The following COG1 variants were observed in gnomAD, a reference collection of about 807,000 sequenced individuals.
The protein encoded by COG1 is conserved oligomeric Golgi complex subunit 1.
A neutral mutation model predicts 102.2 loss-of-function variants in COG1; 61 were observed. That is an observed-to-expected ratio of 0.60 (90% CI 0.49 to 0.74). The LOEUF is 0.74. COG1 is among the 30% of genes least tolerant of loss of function. The pLI is 0.00. For synonymous variants in COG1, 454 were observed against 493.6 expected (o/e 0.92, Z 1.06); for missense variants, 1,164 against 1,232.1 (o/e 0.94, Z 0.83).
intron 8 of COG1, 58 bp from the exon 9 acceptor site, chr17:73,203,574 C>T: frequency 6.3e-7 from 1 of 1,599,574 alleles, no homozygotes; most frequent in Non-Finnish European, 8.6e-7. Context: ...GATTCACTTT[C>T]ACTGTGTGTC....
At chr17:73,202,499 GT>G (rs2061351314) in intron 7 of COG1, among the ~76,000 whole-genome samples, 1 of 151,018 alleles carries the variant, frequency 6.6e-6, no homozygotes, top group Non-Finnish European at 1.5e-5. Context: ...TTAAGAGGTG[GT>G]ATTTGGGCCA....
intron 1 of COG1, among the ~76,000 whole-genome samples, chr17:73,195,137 T>C (rs1246569552): frequency 6.6e-6 from 1 of 152,238 alleles, no homozygotes; most frequent in African/African-American, 2.4e-5. Flanking sequence ...TTATGCCTGA[T>C]TTTAGAAACG....
chr17:73,206,655 T>C, intron 11 of COG1, 53 bp from the exon 12 acceptor site: 1 of 1,103,932 alleles, frequency 9.1e-7, no homozygotes, highest in Middle Eastern at 2.1e-4. Context: ...TTTTTTTTTT[T>C]GCCTTTCTTT....
chr17:73,205,868 A>C, intron 10 of COG1, 188 bp downstream of exon 10: 1 of 775,796 alleles, frequency 1.3e-6, no homozygotes, highest in South Asian at 1.5e-5. Flanking sequence ...TGGTCAAGTG[A>C]AATAGGTGGA....
chr17:73,205,497 C>G (rs369501748), intron 9 of COG1, 56 bp from the exon 10 acceptor site: 13 of 1,598,352 alleles, frequency 8.1e-6, no homozygotes, highest in Non-Finnish European at 1.1e-5. Flanking sequence ...CTGTTTATTA[C>G]GCTCACATAC....
chr17:73,193,238 C>T lies in COG1; in HGVS notation c.169C>T (p.Arg57Cys), dbSNP rs781738369. Residue 57 changes from arginine (R) to cysteine (C), a missense_variant, in exon 1 of 14, where the codon CGC becomes TGC. Physicochemically the swap from Arg to Cys is radical, Grantham distance 180 (BLOSUM62 -3). Transcript: ENST00000299886. ...ELRQMVGERY[R>C]DLIEAADTIG... Reference sequence around the variant, plus strand: ...GCGGCAGATGGTGGGCGAACGGTACCGCGACCTGATCGAGGCGGCCGACAC... The same window carrying T: ...GCGGCAGATGGTGGGCGAACGGTACTGCGACCTGATCGAGGCGGCCGACAC... 5 of 1,608,758 alleles carry T rather than the reference C, an allele frequency of 3.1e-6. No individual in the cohort carries two copies. Among genetic ancestry groups the T allele is most frequent in the Admixed American group, 3.4e-5 (2 of 59,462 alleles).
At chr17:73,206,598 A>G in intron 11 of COG1, 110 bp from the exon 12 acceptor site, 1 of 791,218 alleles carries the variant, frequency 1.3e-6, no homozygotes, top group Non-Finnish European at 2.2e-6. Flanking sequence ...AACATTCCCC[A>G]AAATGACAGT....
Position 73,203,144 on chromosome 17 carries a change from C to T in COG1, c.2218C>T (p.Gln740Ter), listed in dbSNP as rs1281504354. The change falls in exon 8 of 14, where the codon CAG (glutamine) becomes TAG (stop). Residue 740 changes from glutamine to a stop codon, truncating the protein, a stop_gained and splice_region_variant. Transcript: ENST00000299886. LOFTEE classifies it high-confidence loss of function. ...SVTSKIRLPA[Q>*]PSWYVQSFLF... ...CACATCCAAGATCCGACTCCCTGCA[C>T]AGGTGAGCAGGGACCATGGGCTGAA... 1.2e-6 allele frequency: 2 copies of T among 1,614,104 alleles called. No homozygotes were observed. Among genetic ancestry groups the T allele is most frequent in the Admixed American group, 1.7e-5 (1 of 60,010 alleles).
chr17:73,206,800 G>A lies in COG1; in HGVS notation c.2712G>A (p.Leu904=). 1 of 1,613,592 alleles carries A rather than the reference G, an allele frequency of 6.2e-7. No individual in the cohort carries two copies. Among genetic ancestry groups the A allele is most frequent in the Non-Finnish European group, 8.5e-7 (1 of 1,179,756 alleles). The change falls in exon 12 of 14, where the codon CTG becomes CTA. Residue 904 remains leucine (L), a synonymous_variant. Transcript: ENST00000299886. The part of the protein sequence containing the change: ...NSQEPHNILP[L]ASSQIRFGLL... Reference sequence around the variant, plus strand: ...AAGAACCCCATAACATCCTGCCACTGGCATCCAGTCAGATCAGGTAAAGGC... The same window carrying A: ...AAGAACCCCATAACATCCTGCCACTAGCATCCAGTCAGATCAGGTAAAGGC...
chr17:73,194,883 T>A (rs1187806354), intron 1 of COG1, among the ~76,000 whole-genome samples: 1 of 152,162 alleles, frequency 6.6e-6, no homozygotes, highest in African/African-American at 2.4e-5. Context: ...GAAGAAAAAA[T>A]TGAAAAGTAC....
At position 73,207,704 on chromosome 17, in the gene COG1, C is replaced by T. The variant is rs915065495; in HGVS notation, c.2805+448C>T. 25 of 1,292,116 alleles carry T rather than the reference C, an allele frequency of 1.9e-5. 1 individual carries two copies. The highest frequency in any genetic ancestry group is 2.4e-5 in the Non-Finnish European group (24 of 990,664). 80.0% of individuals were successfully genotyped at this position (1,292,116 alleles called of 1,614,324 possible). A position where few individuals can be genotyped will look rare whatever the true frequency, so the allele number is the denominator to read the frequency against. ...TGTTAATACACGTTTCATTTCAGTA[C>T]GATGCCAACTGTTAAGCCTGCAGGA... On this transcript the variant is annotated intron_variant, in intron 13 of 13. Coordinates refer to ENST00000299886, the MANE Select transcript of COG1 (RefSeq NM_018714.3).
rs535998327 is a variant in COG1, at chr17:73,201,314, G to T, written c.1487G>T (p.Gly496Val). 1.9e-6 allele frequency: 3 copies of T among 1,614,206 alleles called. No individual in the cohort carries two copies. Among genetic ancestry groups the T allele is most frequent in the Non-Finnish European group, 2.5e-6 (3 of 1,180,032 alleles). The change falls in exon 7 of 14, where the codon GGT becomes GTT. Residue 496 changes from glycine (G) to valine (V), a missense_variant. Physicochemically the swap from Gly to Val is moderately radical, Grantham distance 109 (BLOSUM62 -3). Transcript: ENST00000299886. ...GCCTGGGTCAGCGTGGCAAACCGGG[G>T]TCAGTTTGCCAGTAGCGGCCTCTCC... is the stretch of plus-strand genomic sequence containing the variant. Reference protein sequence around the residue: ...DAAWVSVANRGQFASSGLSMK... With the variant: ...DAAWVSVANRVQFASSGLSMK...
At chr17:73,208,255 C>T (rs771628866) in intron 13 of COG1, 59 bp from the exon 14 acceptor site, 30 of 1,610,340 alleles carry the variant, frequency 1.9e-5, no homozygotes, top group Middle Eastern at 2.2e-4. Context: ...GCGCGGAGGG[C>T]GAGTGGGCAG....
At chr17:73,206,642 T>C in intron 11 of COG1, 66 bp from the exon 12 acceptor site, 2 of 940,062 alleles carry the variant, frequency 2.1e-6, no homozygotes, top group East Asian at 3.0e-5. Flanking sequence ...ACTAACCTTT[T>C]TTTTTTTTTT....
intron 9 of COG1, among the ~76,000 whole-genome samples, chr17:73,204,940 A>G (rs1481036912): frequency 6.6e-6 from 1 of 152,172 alleles, no homozygotes; most frequent in Non-Finnish European, 1.5e-5. Context: ...AGGCGGGTGG[A>G]TCACTTGAGG....
intron 1 of COG1, among the ~76,000 whole-genome samples, chr17:73,195,458 C>G (rs376413530): frequency 6.6e-6 from 1 of 151,916 alleles, no homozygotes; most frequent in East Asian, 1.9e-4. Context: ...ACAAAAAATA[C>G]CAAAAAGTGA....
intron 5 of COG1, 79 bp from the exon 6 acceptor site, chr17:73,200,487 T>C (rs1341886294): frequency 4.3e-6 from 5 of 1,172,496 alleles, no homozygotes; most frequent in Non-Finnish European, 6.4e-6. Context: ...GATTGTCAAA[T>C]GGGATTCTGA....
chr17:73,201,029 A>G, intron 6 of COG1, 80 bp from the exon 7 acceptor site: 3 of 1,318,024 alleles, frequency 2.3e-6, no homozygotes, highest in Non-Finnish European at 3.3e-6. Context: ...GAATGCTAGG[A>G]TAAATTACCA....
Position 73,193,406 on chromosome 17 carries a change from C to G in COG1, c.315+22C>G, listed in dbSNP as rs1044963196. On this transcript the variant is annotated intron_variant, in intron 1 of 13. Coordinates refer to ENST00000299886, the MANE Select transcript of COG1 (RefSeq NM_018714.3). Reference sequence around the variant, plus strand: ...GCAGGTCAGTCCCCGTGCCCCCACCCTGCGACCCGCAGGCGGGTCCCGGAG... The same window carrying G: ...GCAGGTCAGTCCCCGTGCCCCCACCGTGCGACCCGCAGGCGGGTCCCGGAG... 6.4e-6 allele frequency: 9 copies of G among 1,398,724 alleles called. No individual in the cohort carries two copies. The African/African-American group carries it at 1.2e-4, about 19-fold the overall frequency. 86.6% of individuals were successfully genotyped at this position (1,398,724 alleles called of 1,614,324 possible).
Sources: gnomAD v4.1 joint callset for allele counts (sites outside exome capture counted in the v4.1 genomes callset) on GRCh38, gnomAD v4.1.1 for gene constraint, MANE v1.5 for transcripts, NCBI Gene and HGNC (gene_info 2026-07-23, HGNC 2026-07-21) for gene names.